ACAD9: variants seen among roughly 807,000 people sequenced by gnomAD.
The protein encoded by ACAD9 is complex I assembly factor ACAD9, mitochondrial.
ACAD9 carries 53 observed loss-of-function variants against 70.2 expected under a neutral mutation model. The observed-to-expected ratio is 0.75, with a 90% confidence interval of 0.61 to 0.95. ACAD9 has a LOEUF of 0.95. Ranked by LOEUF, ACAD9 falls within the 40% of genes least tolerant of loss-of-function variation. The pLI is 0.00. For missense variants in ACAD9, 777 were observed against 802.8 expected (o/e 0.97, Z 0.39); for synonymous variants, 313 against 312.1 (o/e 1.00, Z -0.03).
chr3:128,884,864 CAT>C (rs965739037), intron 2 of ACAD9, 118 bp downstream of exon 2: 1 of 849,964 alleles, frequency 1.2e-6, no homozygotes, highest in African/African-American at 1.7e-5. Context: ...GGTTTCCACT[CAT>C]AATATTTTGC....
intron 16 of ACAD9, chr3:128,910,388 C>G: frequency 7.0e-7 from 1 of 1,434,738 alleles, no homozygotes; most frequent in Non-Finnish European, 9.2e-7. Context: ...CCCCTACCCC[C>G]AGCAAGGGAC....
chr3:128,900,926 G>C (rs965555520), intron 7 of ACAD9, among the ~76,000 whole-genome samples: 1 of 152,084 alleles, frequency 6.6e-6, no homozygotes, highest in Non-Finnish European at 1.5e-5. Flanking sequence ...TATATGCCTG[G>C]TTCTTTTCAT....
intron 3 of ACAD9, 49 bp downstream of exon 3, chr3:128,893,705 C>T (rs770084623): frequency 2.0e-6 from 3 of 1,495,844 alleles, no homozygotes; most frequent in Non-Finnish European, 2.8e-6. Context: ...TAAGAAAGCA[C>T]TCTGTATTTG....
Position 128,913,002 on chromosome 3 carries a change from A to G in ACAD9, c.*395A>G. Reference sequence around the variant, plus strand: ...CTCAACCACACATTCTCTAAGAAACAGCTTGAAAGCTCTGTCTGGGTCATT... The same window carrying G: ...CTCAACCACACATTCTCTAAGAAACGGCTTGAAAGCTCTGTCTGGGTCATT... On this transcript the variant is annotated 3_prime_UTR_variant, in exon 18 of 18. Transcript: ENST00000308982. 2.2e-6 allele frequency: 1 copy of G among 461,796 alleles called. No homozygotes were observed. 28.6% of individuals were successfully genotyped at this position (461,796 alleles called of 1,614,324 possible).
intron 3 of ACAD9, 124 bp from the exon 4 acceptor site, chr3:128,895,186 A>AT (rs531561363): frequency 0.01 from 6,302 of 612,774 alleles, no homozygotes; most frequent in Non-Finnish European, 0.012. Flanking sequence ...CTGTATTGTG[A>AT]TTTTTTTTTT....
chr3:128,883,659 AACCT>A lies in ACAD9; in HGVS notation c.151-993_151-990del, dbSNP rs751564979. On this transcript the variant is annotated intron_variant, in intron 1 of 17. Transcript: ENST00000308982. ...GCGTGAGCCACCGTGCCTGGCCTCCAACCTTTTTTTTTTTCTATACCACCTTCAG... is the reference window on the plus strand; with the variant it reads ...GCGTGAGCCACCGTGCCTGGCCTCCATTTTTTTTTTCTATACCACCTTCAG... Among the ~76,000 whole-genome samples the A allele has an allele frequency of 2.2e-4, 33 of 150,412 alleles. 1 individual carries two copies. The highest frequency in any genetic ancestry group is 8.4e-4 in the South Asian group (4 of 4,764).
At chr3:128,883,654 C>T (rs948384678) in intron 1 of ACAD9, among the ~76,000 whole-genome samples, 2 of 152,126 alleles carry the variant, frequency 1.3e-5, no homozygotes, top group Non-Finnish European at 2.9e-5. Flanking sequence ...CCGTGCCTGG[C>T]CTCCAACCTT....
chr3:128,890,644 G>A (rs192436153), intron 2 of ACAD9, among the ~76,000 whole-genome samples: 12 of 152,050 alleles, frequency 7.9e-5, no homozygotes, highest in Admixed American at 2.6e-4. Flanking sequence ...GGAGCTTGCA[G>A]TGAGCCAAGA....
intron 8 of ACAD9, among the ~76,000 whole-genome samples, chr3:128,901,755 C>A (rs1033485764): frequency 6.6e-6 from 1 of 152,178 alleles, no homozygotes; most frequent in African/African-American, 2.4e-5. Context: ...AAAGGACTCA[C>A]CATTTTAAAA....
chr3:128,893,756 G>A lies in ACAD9; in HGVS notation c.346+100G>A, dbSNP rs113316898. 313 of 1,006,496 alleles carry A rather than the reference G, an allele frequency of 3.1e-4. 1 individual carries two copies. Among genetic ancestry groups the A allele is most frequent in the Middle Eastern group, 1.2e-3 (6 of 4,954 alleles). 62.3% of individuals were successfully genotyped at this position (1,006,496 alleles called of 1,614,324 possible). A position where few individuals can be genotyped will look rare whatever the true frequency, so the allele number is the denominator to read the frequency against. The stretch of plus-strand genomic sequence containing the variant: ...GTTGCTGGAATAGATGACACCATCC[G>A]TGGTGGGCTACTTGGTAGGGGTGGA... On this transcript the variant is annotated intron_variant, in intron 3 of 17. Transcript: ENST00000308982.
intron 9 of ACAD9, among the ~76,000 whole-genome samples, chr3:128,903,516 C>T (rs12485571): frequency 0.1 from 15,656 of 152,172 alleles, 1,099 homozygotes; most frequent in Non-Finnish European, 0.15. Context: ...ATGGCTATGG[C>T]GGGGCGGGGG....
At chr3:128,909,469 G>T in intron 15 of ACAD9, 48 bp downstream of exon 15, 4 of 1,584,886 alleles carry the variant, frequency 2.5e-6, no homozygotes, top group Non-Finnish European at 2.6e-6. Context: ...CTCCAATTTG[G>T]CCAGCATTCA....
intron 7 of ACAD9, among the ~76,000 whole-genome samples, chr3:128,899,840 TTGGGTTCAGGTCCATC>T (rs1031103913): frequency 5.9e-5 from 9 of 152,106 alleles, no homozygotes; most frequent in Middle Eastern, 6.3e-3. Flanking sequence ...AGGCTGTGAG[TTGGGTTCAGGTCCATC>T]TGGGTTCAGG....
At chr3:128,888,565 T>C (rs1011392459) in intron 2 of ACAD9, among the ~76,000 whole-genome samples, 1 of 151,892 alleles carries the variant, frequency 6.6e-6, no homozygotes, top group African/African-American at 2.4e-5. Flanking sequence ...GGTGACAGAG[T>C]GAGACTCCAT....
Position 128,904,479 on chromosome 3 carries a change from T to C in ACAD9, c.1123T>C (p.Cys375Arg). The change falls in exon 11 of 18, where the codon TGC becomes CGC. Residue 375 changes from cysteine to arginine, a missense_variant. Transcript: ENST00000308982. ...GCTGGACCAACCTGGCTTTCCCGACTGCTCCATCGAGGCAGCCATGGTGAA... is the reference window on the plus strand; with the variant it reads ...GCTGGACCAACCTGGCTTTCCCGACCGCTCCATCGAGGCAGCCATGGTGAA... ...GMLDQPGFPDCSIEAAMVKVF... is the reference protein window; with the variant it reads ...GMLDQPGFPDRSIEAAMVKVF... 1 of 1,614,198 alleles carries C rather than the reference T, an allele frequency of 6.2e-7. No homozygotes were observed. Among genetic ancestry groups the C allele is most frequent in the Non-Finnish European group, 8.5e-7 (1 of 1,180,044 alleles).
chr3:128,884,814 G>T, intron 2 of ACAD9, 68 bp downstream of exon 2: 1 of 1,201,784 alleles, frequency 8.3e-7, no homozygotes, highest in Non-Finnish European at 1.2e-6. Flanking sequence ...ATTTATATTA[G>T]AAGTGACATA....
chr3:128,883,395 T>A (rs1477077404), intron 1 of ACAD9, among the ~76,000 whole-genome samples: 1 of 151,928 alleles, frequency 6.6e-6, no homozygotes, highest in Non-Finnish European at 1.5e-5. Flanking sequence ...TCTCACTCTG[T>A]CACCTAGGCT....
Position 128,908,959 on chromosome 3 carries a change from T to G in ACAD9, c.1359-14T>G, listed in dbSNP as rs1936010604. 1 of 1,614,022 alleles carries G rather than the reference T, an allele frequency of 6.2e-7. No homozygotes were observed. Among genetic ancestry groups the G allele is most frequent in the African/African-American group, 1.3e-5 (1 of 75,052 alleles). On this transcript the variant is annotated splice_polypyrimidine_tract_variant and intron_variant, in intron 13 of 17. Coordinates refer to ENST00000308982, the MANE Select transcript of ACAD9 (RefSeq NM_014049.5). ...AGCGAGGCCTCCAGTCACAGGACCA[T>G]GGACTTTCTGCAGTGAGCTTAAACA...
rs1935951285 is a variant in ACAD9 at position 128,908,115 on chromosome 3, C to G, written c.1279-70C>G. On this transcript the variant is annotated intron_variant, in intron 12 of 17. Coordinates refer to ENST00000308982, the MANE Select transcript of ACAD9 (RefSeq NM_014049.5). ...CAAGCAGGCAGTGGCCGGCTCTACCCAGCACACGTGGCACTACCATGGCTG... is the reference window on the plus strand; with the variant it reads ...CAAGCAGGCAGTGGCCGGCTCTACCGAGCACACGTGGCACTACCATGGCTG... 2.1e-6 allele frequency: 3 copies of G among 1,455,762 alleles called. No homozygotes were observed. The East Asian group carries it at 6.8e-5, about 33-fold the overall frequency. 90.2% of individuals were successfully genotyped at this position (1,455,762 alleles called of 1,614,324 possible). A position where few individuals can be genotyped will look rare whatever the true frequency, so the allele number is the denominator to read the frequency against.
Sources: gnomAD v4.1 joint callset for allele counts (sites outside exome capture counted in the v4.1 genomes callset) on GRCh38, gnomAD v4.1.1 for gene constraint, MANE v1.5 for transcripts, NCBI Gene and HGNC (gene_info 2026-07-23, HGNC 2026-07-21) for gene names.